CD40: variants seen among roughly 807,000 people sequenced by gnomAD.
The protein encoded by CD40 is tumor necrosis factor receptor superfamily member 5.
A neutral mutation model predicts 38.5 loss-of-function variants in CD40; 19 were observed. That is an observed-to-expected ratio of 0.49 (90% CI 0.34 to 0.72). The LOEUF (loss-of-function observed/expected upper bound fraction) is 0.72. CD40 is among the 30% of genes least tolerant of loss of function. The pLI is 0.01. For synonymous variants in CD40, 130 were observed against 128.7 expected (o/e 1.01, Z -0.07); for missense variants, 256 against 344.1 (o/e 0.74, Z 2.03).
Position 46,122,866 on chromosome 20 carries a change from C to A in CD40, c.403+110C>A. ...GCCCCAGAGGCAGAGGAAGCAGAGG[C>A]TCCAACCTATGTCGGTATCCCCACT... is the stretch of plus-strand genomic sequence containing the variant. On this transcript the variant is annotated intron_variant, in intron 4 of 8. Transcript: ENST00000372285. The surrounding 1 kb of genome is among the most constrained non-coding windows in gnomAD (Gnocchi z 5.0). 1 of 1,399,018 alleles carries A rather than the reference C, an allele frequency of 7.1e-7. No homozygotes were observed. The highest frequency in any genetic ancestry group is 1.4e-5 in the African/African-American group (1 of 70,444). 86.7% of individuals were successfully genotyped at this position (1,399,018 alleles called of 1,614,324 possible). A position where few individuals can be genotyped will look rare whatever the true frequency, so the allele number is the denominator to read the frequency against.
At chr20:46,123,042 G>C in intron 4 of CD40, 84 bp from the exon 5 acceptor site, 1 of 1,103,046 alleles carries the variant, frequency 9.1e-7, no homozygotes, top group Admixed American at 1.7e-5. Context: ...AGCTCTTCCC[G>C]TCCTGCCTGG....
At position 46,118,320 on chromosome 20, in the gene CD40, C is replaced by G; in HGVS notation, c.-24C>G. The G allele has an allele frequency of 6.2e-6, 10 of 1,612,590 alleles. No homozygotes were observed. Among genetic ancestry groups the G allele is most frequent in the Non-Finnish European group, 8.5e-6 (10 of 1,179,412 alleles). On this transcript the variant is annotated 5_prime_UTR_variant, in exon 1 of 9. Transcript: ENST00000372285. ...AGGCCTCGCTCGGGCGCCCAGTGGT[C>G]CTGCCGCCTGGTCTCACCTCGCTAT...
In CD40 at chr20:46,128,232, C is replaced by T. The variant is rs761711766; in HGVS notation, c.646+8C>T. On this transcript the variant is annotated splice_region_variant and intron_variant, in intron 7 of 8. Coordinates refer to ENST00000372285, the MANE Select transcript of CD40 (RefSeq NM_001250.6). Reference sequence around the variant, plus strand: ...TGGTGCTGGTCTTTATCAGTGAGTCCTCAGGTGGGGAGGTGTTGGGGGAGG... The same window carrying T: ...TGGTGCTGGTCTTTATCAGTGAGTCTTCAGGTGGGGAGGTGTTGGGGGAGG... The T allele has an allele frequency of 1.2e-6, 2 of 1,613,332 alleles. No homozygotes were observed. Among genetic ancestry groups the T allele is most frequent in the Admixed American group, 1.7e-5 (1 of 59,954 alleles).
In CD40 at chr20:46,126,692, G is replaced by A. The variant is rs1187687559; in HGVS notation, c.550G>A (p.Val184Ile). 1 of 1,613,948 alleles carries A rather than the reference G, an allele frequency of 6.2e-7. No individual in the cohort carries two copies. Among genetic ancestry groups the A allele is most frequent in the East Asian group, 2.2e-5 (1 of 44,902 alleles). The change falls in exon 6 of 9, where the codon GTT becomes ATT. Residue 184 changes from valine (V) to isoleucine (I), a missense_variant. Val to Ile is a conservative substitution (Grantham distance 29). Transcript: ENST00000372285. Reference sequence around the variant, plus strand: ...ACAGGCAGGCACAAACAAGACTGATGTTGTCTGTGGTGAGTCCTGGACAAT... The same window carrying A: ...ACAGGCAGGCACAAACAAGACTGATATTGTCTGTGGTGAGTCCTGGACAAT... ...VQQAGTNKTD[V>I]VCGPQDRLRA...
Position 46,122,940 on chromosome 20 carries a change from G to A in CD40, c.403+184G>A. 1 of 922,998 alleles carries A rather than the reference G, an allele frequency of 1.1e-6. No individual in the cohort carries two copies. The highest frequency in any genetic ancestry group is 1.5e-5 in the South Asian group (1 of 66,322). 57.2% of individuals were successfully genotyped at this position (922,998 alleles called of 1,614,324 possible). On this transcript the variant is annotated intron_variant, in intron 4 of 8. Transcript: ENST00000372285. The surrounding 1 kb of genome is among the most constrained non-coding windows in gnomAD (Gnocchi z 5.0). ...TGTTCATTCTGCCTTCTGCCATGGGGATCTGCCTTTGAAGGGCAATGGGAG... is the reference window on the plus strand; with the variant it reads ...TGTTCATTCTGCCTTCTGCCATGGGAATCTGCCTTTGAAGGGCAATGGGAG...
chr20:46,128,794 G>T, intron 8 of CD40, 88 bp from the exon 9 acceptor site: 1 of 1,404,952 alleles, frequency 7.1e-7, no homozygotes, highest in East Asian at 2.3e-5. Context: ...GGGAGGGCTT[G>T]GGGAAGGGAT....
At chr20:46,126,496 C>T (rs1372882709) in intron 5 of CD40, 144 bp from the exon 6 acceptor site, 10 of 838,588 alleles carry the variant, frequency 1.2e-5, no homozygotes, top group South Asian at 2.9e-5. Context: ...CAGCATAGGA[C>T]GTTGCACGTG....
At chr20:46,127,892 T>G in intron 6 of CD40, 1 of 639,012 alleles carries the variant, frequency 1.6e-6, no homozygotes, top group Admixed American at 3.1e-5. Context: ...AGAAATCAGA[T>G]GTCTAGGTTT....
At chr20:46,128,554 C>A in intron 8 of CD40, 196 bp downstream of exon 8, 1 of 725,422 alleles carries the variant, frequency 1.4e-6, no homozygotes, top group Non-Finnish European at 2.5e-6. Flanking sequence ...CTGCCCCTGG[C>A]ACCACTGGCA....
intron 1 of CD40, 97 bp from the exon 2 acceptor site, chr20:46,121,723 G>A: frequency 1.1e-6 from 1 of 922,674 alleles, no homozygotes; most frequent in South Asian, 1.3e-5. Flanking sequence ...TTGCACTTCA[G>A]TTTGCAGCCT....
rs753511518 is a variant in CD40, at chr20:46,118,328, C to G, written c.-16C>G. On this transcript the variant is annotated 5_prime_UTR_variant, in exon 1 of 9. Coordinates refer to ENST00000372285, the MANE Select transcript of CD40 (RefSeq NM_001250.6). ...CTCGGGCGCCCAGTGGTCCTGCCGCCTGGTCTCACCTCGCTATGGTTCGTC... is the reference window on the plus strand; with the variant it reads ...CTCGGGCGCCCAGTGGTCCTGCCGCGTGGTCTCACCTCGCTATGGTTCGTC... The G allele has an allele frequency of 1.9e-6, 3 of 1,613,450 alleles. No homozygotes were observed. Among genetic ancestry groups the G allele is most frequent in the Admixed American group, 1.7e-5 (1 of 60,038 alleles).
intron 5 of CD40, among the ~76,000 whole-genome samples, chr20:46,123,678 C>G (rs1420651094): frequency 6.6e-6 from 1 of 152,178 alleles, no homozygotes; most frequent in Non-Finnish European, 1.5e-5. Context: ...CCACTGTTGT[C>G]ACTTTAGTTT....
At position 46,121,910 on chromosome 20, in the gene CD40, A is replaced by G. The variant is rs1295770868; in HGVS notation, c.130+12A>G. On this transcript the variant is annotated intron_variant, in intron 2 of 8. Transcript: ENST00000372285. ...TTTGTGCCAGCCAGGTGAGATGCCA[A>G]CCCTCTAGCCCCATCATGGAGTCCC... 3.1e-6 allele frequency: 5 copies of G among 1,608,380 alleles called. No homozygotes were observed. The highest frequency in any genetic ancestry group is 1.3e-5 in the African/African-American group (1 of 74,772).
intron 1 of CD40, among the ~76,000 whole-genome samples, chr20:46,120,321 T>G (rs1230329203): frequency 6.6e-6 from 1 of 152,248 alleles, no homozygotes; most frequent in Non-Finnish European, 1.5e-5. Flanking sequence ...GCATTATTAC[T>G]CCCATTTTAG....
chr20:46,128,850 G>T (rs2085494235), intron 8 of CD40, 32 bp from the exon 9 acceptor site: 1 of 1,613,098 alleles, frequency 6.2e-7, no homozygotes, highest in African/African-American at 1.3e-5. Flanking sequence ...TGCCCCTGCT[G>T]CTGGGGGTGA....
At position 46,122,152 on chromosome 20, in the gene CD40, A is replaced by C; in HGVS notation, c.131-81A>C. On this transcript the variant is annotated intron_variant, in intron 2 of 8. Coordinates refer to ENST00000372285, the MANE Select transcript of CD40 (RefSeq NM_001250.6). This position sits in a 1 kb window ranked among gnomAD's most constrained non-coding sequence, Gnocchi z 5.0. Reference sequence around the variant, plus strand: ...TTCATCTTTGAATCCCCTACCCTAAAGCCTGGCCTGATCATTGTGTGGTTA... The same window carrying C: ...TTCATCTTTGAATCCCCTACCCTAACGCCTGGCCTGATCATTGTGTGGTTA... 6.5e-7 allele frequency: 1 copy of C among 1,547,834 alleles called. No homozygotes were observed. The highest frequency in any genetic ancestry group is 1.4e-5 in the African/African-American group (1 of 73,600).
At chr20:46,128,638 G>C (rs1357673276) in intron 8 of CD40, 1 of 677,190 alleles carries the variant, frequency 1.5e-6, no homozygotes, top group Admixed American at 2.3e-5. Flanking sequence ...TGGGCCTTGG[G>C]GCTGGGTCAA....
In CD40 at chr20:46,126,642, G is replaced by A. The variant is rs779766201; in HGVS notation, c.500G>A (p.Cys167Tyr). The change falls in exon 6 of 9, where the codon TGT (cysteine) becomes TAT (tyrosine). Residue 167 changes from cysteine (C) to tyrosine (Y), a missense_variant and splice_region_variant. Cys to Tyr is a radical substitution (Grantham distance 194). Transcript: ENST00000372285. ...AFEKCHPWTS[C>Y]ETKDLVVQQA... is the part of the protein sequence containing the mutation. ...TTTGTGCACGTGTCTGTGCATAGCT[G>A]TGAGACCAAAGACCTGGTTGTGCAA... is the stretch of plus-strand genomic sequence containing the variant. 1 of 1,614,176 alleles carries A rather than the reference G, an allele frequency of 6.2e-7. No individual in the cohort carries two copies. The highest frequency in any genetic ancestry group is 8.5e-7 in the Non-Finnish European group (1 of 1,180,038).
At chr20:46,120,174 G>GC (rs1159261780) in intron 1 of CD40, among the ~76,000 whole-genome samples, 1 of 152,148 alleles carries the variant, frequency 6.6e-6, no homozygotes, top group African/African-American at 2.4e-5. Context: ...CGGGCTGCTT[G>GC]CCATATATCA....
Sources: gnomAD v4.1 joint callset for allele counts (sites outside exome capture counted in the v4.1 genomes callset) on GRCh38, gnomAD v4.1.1 for gene constraint, Gnocchi (gnomAD v3.1) non-coding constraint, MANE v1.5 for transcripts, NCBI Gene and HGNC (gene_info 2026-07-23, HGNC 2026-07-21) for gene names.